Variants in CORO2B observed in about 807,000 individuals in gnomAD.
CORO2B encodes the protein coronin 2B, also known as coronin-2B.
CORO2B carries 26 observed loss-of-function variants against 58.8 expected under a neutral mutation model. That is an observed-to-expected ratio of 0.44 (90% confidence interval 0.32 to 0.61). CORO2B has a LOEUF of 0.61. CORO2B is among the 20% of genes least tolerant of loss of function. The pLI is 0.04. For synonymous variants in CORO2B, 242 were observed against 253.8 expected, an observed-to-expected ratio of 0.95 and a Z score of 0.44; for missense variants, 460 against 645.1, an observed-to-expected ratio of 0.71 and a Z score of 3.11.
chr15:68,624,972 C>T (rs1459292079), intron 1 of CORO2B, among the ~76,000 whole-genome samples: 1 of 152,216 alleles, frequency 6.6e-6, no homozygotes, highest in Admixed American at 6.5e-5. Context: ...TGAGCCACTG[C>T]ACCCAGCCAT....
At chr15:68,677,437 A>AT (rs1902625830) in intron 2 of CORO2B, among the ~76,000 whole-genome samples, 1 of 152,216 alleles carries the variant, frequency 6.6e-6, no homozygotes, top group Non-Finnish European at 1.5e-5. Context: ...TCTCCCTGTC[A>AT]TGCAATGGCT....
At chr15:68,586,168 T>C (rs899714253) in intron 1 of CORO2B, among the ~76,000 whole-genome samples, 1 of 152,202 alleles carries the variant, frequency 6.6e-6, no homozygotes, top group Non-Finnish European at 1.5e-5. Flanking sequence ...GGATTGATAA[T>C]AGTAACAATC....
At chr15:68,588,186 G>A (rs1324452526) in intron 1 of CORO2B, among the ~76,000 whole-genome samples, 3 of 152,144 alleles carry the variant, frequency 2.0e-5, no homozygotes, top group African/African-American at 7.2e-5. Context: ...CTCAGATTTA[G>A]GCAGTTCCTT....
At chr15:68,700,495 G>C (rs1011083551) in intron 3 of CORO2B, among the ~76,000 whole-genome samples, 1 of 152,148 alleles carries the variant, frequency 6.6e-6, no homozygotes, top group Non-Finnish European at 1.5e-5. Context: ...CCCAGGATCC[G>C]TTTCCCCTCC....
chr15:68,543,307 A>G, the CORO2B span, among the ~76,000 whole-genome samples: 66 of 152,290 alleles, frequency 4.3e-4, no homozygotes, highest in Admixed American at 8.5e-4. Context: ...AAATTTCCAG[A>G]ACAGTGGTTG....
At chr15:68,675,217 C>T (rs933018659) in intron 2 of CORO2B, among the ~76,000 whole-genome samples, 3 of 152,170 alleles carry the variant, frequency 2.0e-5, no homozygotes, top group Non-Finnish European at 2.9e-5. Flanking sequence ...GTTTGTACCC[C>T]GCTTCAGCAT....
rs1214278546 is a variant in CORO2B, at chr15:68,711,413, C to T, written c.484-129C>T. The T allele has an allele frequency of 6.6e-5, 46 of 696,882 alleles. No individual in the cohort carries two copies. The Middle Eastern group carries it at 1.2e-3, about 18-fold the overall frequency. 43.2% of individuals were successfully genotyped at this position (696,882 alleles called of 1,614,324 possible). On this transcript the variant is annotated intron_variant, in intron 4 of 11. Coordinates refer to ENST00000261861, the MANE Select transcript of CORO2B (RefSeq NM_006091.5). The stretch of plus-strand genomic sequence containing the variant: ...TCCATATAGAACTCAATGACCCCCT[C>T]CTGCACCCCAGCACACCCCAGGCCC...
chr15:68,675,907 C>T (rs957323979), intron 2 of CORO2B, among the ~76,000 whole-genome samples: 6 of 151,688 alleles, frequency 4.0e-5, no homozygotes, highest in Admixed American at 6.6e-5. Flanking sequence ...TACACGCTAG[C>T]GGAGGAGACA....
At chr15:68,579,429 G>A in intron 1 of CORO2B, 152 bp downstream of exon 1, 1 of 829,458 alleles carries the variant, frequency 1.2e-6, no homozygotes, top group Non-Finnish European at 1.5e-6. Flanking sequence ...ATCCGCTCGA[G>A]TCACTCCGGC....
At chr15:68,677,624 G>A (rs939424361) in intron 2 of CORO2B, among the ~76,000 whole-genome samples, 3 of 152,192 alleles carry the variant, frequency 2.0e-5, no homozygotes, top group Admixed American at 6.5e-5. Context: ...AAACCTCCAT[G>A]GGCAGGAAGA....
the CORO2B span, among the ~76,000 whole-genome samples, chr15:68,548,189 A>ATATATATATATATG: frequency 1.8e-4 from 26 of 145,146 alleles, 1 homozygote; most frequent in South Asian, 4.7e-3. Flanking sequence ...ATATATATAT[A>ATATATATATATATG]TGTGTGTGTG....
chr15:68,579,313 C>A, intron 1 of CORO2B, 36 bp downstream of exon 1: 2 of 1,278,910 alleles, frequency 1.6e-6, no homozygotes, highest in South Asian at 2.4e-5. Flanking sequence ...CGGGACCCGC[C>A]GGCGCCTGCA....
chr15:68,531,500 A>AAAGGAAGGAAGGAAGGAAGG, the CORO2B span, among the ~76,000 whole-genome samples: 1 of 113,784 alleles, frequency 8.8e-6, no homozygotes, highest in African/African-American at 3.7e-5. Flanking sequence ...GTATCTCAAA[A>AAAGGAAGGAAGGAAGGAAGG]AAGGAAGGAA....
intron 2 of CORO2B, among the ~76,000 whole-genome samples, chr15:68,656,147 C>A: frequency 8.0e-6 from 1 of 124,300 alleles, no homozygotes; most frequent in Non-Finnish European, 1.7e-5. Context: ...GCTGCCCACC[C>A]CTCCCCCTCC....
chr15:68,682,409 C>T (rs1295552084), intron 2 of CORO2B, among the ~76,000 whole-genome samples: 1 of 152,114 alleles, frequency 6.6e-6, no homozygotes, highest in Non-Finnish European at 1.5e-5. Flanking sequence ...ATTAACCCAT[C>T]AGAGGCCTCT....
At chr15:68,630,335 C>T (rs976289991) in intron 1 of CORO2B, among the ~76,000 whole-genome samples, 1 of 152,280 alleles carries the variant, frequency 6.6e-6, no homozygotes, top group South Asian at 2.1e-4. Flanking sequence ...GCAACTTTTC[C>T]GGCAACTGCA....
intron 8 of CORO2B, among the ~76,000 whole-genome samples, chr15:68,718,040 G>A (rs913321534): frequency 2.0e-5 from 3 of 152,178 alleles, no homozygotes; most frequent in Non-Finnish European, 1.5e-5. Flanking sequence ...CTCAAACCCC[G>A]TTGGTCCACC....
chr15:68,703,392 C>T (rs1174589610), intron 3 of CORO2B, among the ~76,000 whole-genome samples: 1 of 151,494 alleles, frequency 6.6e-6, no homozygotes, highest in Non-Finnish European at 1.5e-5. Flanking sequence ...CTCAAGTGAA[C>T]TGCCCGCCTG....
At chr15:68,568,972 A>G in the CORO2B span, among the ~76,000 whole-genome samples, 1 of 152,238 alleles carries the variant, frequency 6.6e-6, no homozygotes, top group African/African-American at 2.4e-5. Flanking sequence ...CATGTATCCC[A>G]GAACCTAAAA....
Sources: allele counts gnomAD v4.1 joint callset (sites outside exome capture counted in the v4.1 genomes callset), GRCh38; gene constraint gnomAD v4.1.1; transcripts MANE v1.5; gene names NCBI Gene and HGNC (gene_info 2026-07-23, HGNC 2026-07-21).